MTDH: variants seen among roughly 807,000 people sequenced by gnomAD.
MTDH encodes the protein protein LYRIC.
MTDH carries 34 observed loss-of-function variants against 72.7 expected under a neutral mutation model. The ratio of observed to expected loss-of-function variants is 0.47; its 90% CI spans 0.36 to 0.62. The LOEUF (loss-of-function observed/expected upper bound fraction) is 0.62. Ranked by LOEUF, MTDH falls within the 20% of genes least tolerant of loss-of-function variation. The probability of loss-of-function intolerance (pLI) is 0.00; values close to 1 mark genes in which losing one functional copy is unlikely to be tolerated. For missense variants in MTDH, 677 were observed against 699.4 expected (o/e 0.97, Z 0.36); for synonymous variants, 266 against 268.9 (o/e 0.99, Z 0.10).
intron 2 of MTDH, among the ~76,000 whole-genome samples, chr8:97,663,243 T>A (rs1370119093): frequency 1.3e-5 from 2 of 152,178 alleles, no homozygotes; most frequent in African/African-American, 4.8e-5. Flanking sequence ...TTATATAAAT[T>A]GAATGTGACA....
rs548615628 is a variant in MTDH, at chr8:97,712,779, G to C, written c.1273-883G>C. ...AATATGCATTTCCCTAATAGCAAAT[G>C]GAGTTGAGCTTTTTCCCATGGTTTC... is the stretch of plus-strand genomic sequence containing the variant. On this transcript the variant is annotated intron_variant, in intron 8 of 11. Coordinates refer to ENST00000336273, the MANE Select transcript of MTDH (RefSeq NM_178812.4). Among the ~76,000 whole-genome samples the C allele has an allele frequency of 3.9e-5, 6 of 152,262 alleles. No individual in the cohort carries two copies. In the East Asian group the frequency reaches 9.6e-4, roughly 24 times the overall value.
chr8:97,704,908 T>C (rs1289123369), intron 7 of MTDH, among the ~76,000 whole-genome samples: 1 of 152,182 alleles, frequency 6.6e-6, no homozygotes, highest in Non-Finnish European at 1.5e-5. Flanking sequence ...TCCTTCTAGA[T>C]ATAAAAATGT....
intron 2 of MTDH, among the ~76,000 whole-genome samples, chr8:97,663,706 G>A (rs886779409): frequency 1.5e-5 from 2 of 134,616 alleles, no homozygotes; most frequent in East Asian, 4.6e-4. Context: ...TGGAGATCGC[G>A]CCACTGCACT....
In MTDH at chr8:97,644,264, A is replaced by G; in HGVS notation, c.-243A>G. On this transcript the variant is annotated 5_prime_UTR_variant, in exon 1 of 12. Transcript: ENST00000336273. ...CGCCGCTTAGCGGCCGCCACTGGAG[A>G]CACTCCCTCCCGCCTCCCGGGTCTC... 3.8e-6 allele frequency: 2 copies of G among 533,126 alleles called. No homozygotes were observed. The highest frequency in any genetic ancestry group is 6.4e-6 in the Non-Finnish European group (2 of 311,374). The allele number at this position is 533,126 out of a possible 1,614,324, so 33.0% of individuals were successfully genotyped here.
chr8:97,690,879 T>C (rs1432002406), intron 5 of MTDH, 73 bp from the exon 6 acceptor site: 3 of 1,043,008 alleles, frequency 2.9e-6, no homozygotes, highest in Non-Finnish European at 2.8e-6. Flanking sequence ...CAAGCAATCA[T>C]AGAAATGTGA....
intron 7 of MTDH, among the ~76,000 whole-genome samples, chr8:97,704,527 G>A (rs922728496): frequency 3.3e-5 from 5 of 152,150 alleles, no homozygotes; most frequent in Non-Finnish European, 5.9e-5. Context: ...AGGATCACTT[G>A]AGCCCCAGGA....
At chr8:97,655,055 C>T (rs992602873) in intron 1 of MTDH, among the ~76,000 whole-genome samples, 6 of 152,060 alleles carry the variant, frequency 3.9e-5, no homozygotes, top group Admixed American at 1.3e-4. Flanking sequence ...CGAGATCACA[C>T]ACCACTGCAC....
chr8:97,717,634 C>CA (rs1386400866), intron 9 of MTDH, among the ~76,000 whole-genome samples: 7 of 127,424 alleles, frequency 5.5e-5, no homozygotes, highest in African/African-American at 2.0e-4. Flanking sequence ...CCCCCCCCCC[C>CA]AAAAATGGAA....
intron 6 of MTDH, among the ~76,000 whole-genome samples, chr8:97,699,397 A>G (rs1814010116): frequency 6.6e-6 from 1 of 151,928 alleles, no homozygotes; most frequent in South Asian, 2.1e-4. Context: ...CGATCATGCC[A>G]CTGCACTTCA....
At chr8:97,715,896 T>A (rs1055114419) in intron 9 of MTDH, among the ~76,000 whole-genome samples, 3 of 152,240 alleles carry the variant, frequency 2.0e-5, no homozygotes, top group African/African-American at 7.2e-5. Context: ...ATTCTGATTA[T>A]CCTTTTAAAA....
chr8:97,704,811 C>T (rs1226692762), intron 7 of MTDH, among the ~76,000 whole-genome samples: 1 of 151,696 alleles, frequency 6.6e-6, no homozygotes, highest in African/African-American at 2.4e-5. Flanking sequence ...TCCTGTTAAA[C>T]AAAAACAATA....
intron 2 of MTDH, among the ~76,000 whole-genome samples, chr8:97,680,270 C>T (rs1813019386): frequency 6.6e-6 from 1 of 152,160 alleles, no homozygotes; most frequent in South Asian, 2.1e-4. Flanking sequence ...CACAGTTTTG[C>T]CGTGTTGCCC....
intron 2 of MTDH, among the ~76,000 whole-genome samples, chr8:97,681,142 C>A (rs533564700): frequency 6.6e-6 from 1 of 151,998 alleles, no homozygotes; most frequent in Non-Finnish European, 1.5e-5. Context: ...AAAATGAGTA[C>A]AGGCCATTTC....
In MTDH at chr8:97,728,506, C is replaced by A. The variant is rs1815439390; in HGVS notation, c.*3836C>A. The A allele has an allele frequency of 6.6e-6, 1 of 152,104 alleles. No homozygotes were observed. Among genetic ancestry groups the A allele is most frequent in the Non-Finnish European group, 1.5e-5 (1 of 68,028 alleles). 9.4% of individuals were successfully genotyped at this position (152,104 alleles called of 1,614,324 possible). The stretch of plus-strand genomic sequence containing the variant: ...TAGCAGTAGATGTAGCTGCCTGCCA[C>A]CAGGTGCAATATGTCATTTGCATCA... On this transcript the variant is annotated 3_prime_UTR_variant, in exon 12 of 12. Coordinates refer to ENST00000336273, the MANE Select transcript of MTDH (RefSeq NM_178812.4).
chr8:97,688,346 T>G (rs2131003282), intron 4 of MTDH, among the ~76,000 whole-genome samples: 1 of 152,348 alleles, frequency 6.6e-6, no homozygotes, highest in Non-Finnish European at 1.5e-5. Flanking sequence ...TTGTTACCTT[T>G]TATTTTTTGC....
At chr8:97,689,139 C>CATCAAA in intron 5 of MTDH, 36 bp downstream of exon 5, 3 of 1,269,538 alleles carry the variant, frequency 2.4e-6, no homozygotes, top group Non-Finnish European at 3.4e-6. Context: ...ATTGAAGGCC[C>CATCAAA]ATCAAAATAG....
At chr8:97,668,212 G>A (rs1414333884) in intron 2 of MTDH, among the ~76,000 whole-genome samples, 5 of 152,056 alleles carry the variant, frequency 3.3e-5, no homozygotes, top group East Asian at 1.9e-4. Context: ...GCATGAACCC[G>A]GGAGGCGGAG....
intron 2 of MTDH, among the ~76,000 whole-genome samples, chr8:97,678,056 G>A (rs1044891275): frequency 6.6e-6 from 1 of 152,144 alleles, no homozygotes; most frequent in Non-Finnish European, 1.5e-5. Flanking sequence ...ATTAGTACCA[G>A]AGCAAATTTC....
At chr8:97,711,783 G>A (rs1239930161) in intron 8 of MTDH, among the ~76,000 whole-genome samples, 1 of 152,138 alleles carries the variant, frequency 6.6e-6, no homozygotes. Context: ...AATCATAAAA[G>A]TTATAAAATT....
Sources: allele counts gnomAD v4.1 joint callset (sites outside exome capture counted in the v4.1 genomes callset), GRCh38; gene constraint gnomAD v4.1.1; transcripts MANE v1.5; gene names NCBI Gene and HGNC (gene_info 2026-07-23, HGNC 2026-07-21).